Variants in ABHD12B observed in about 807,000 individuals in gnomAD.
ABHD12B encodes the protein protein ABHD12B.
ABHD12B carries 42 observed loss-of-function variants against 50.4 expected under a neutral mutation model. The observed-to-expected ratio is 0.83, with a 90% CI of 0.65 to 1.08. The LOEUF (loss-of-function observed/expected upper bound fraction) is 1.08. Ranked by LOEUF, ABHD12B falls within the 50% of genes least tolerant of loss-of-function variation. The probability of loss-of-function intolerance (pLI) is 0.00; values close to 1 mark genes in which losing one functional copy is unlikely to be tolerated. For synonymous variants in ABHD12B, 167 were observed against 160.3 expected (o/e 1.04, Z -0.32); for missense variants, 479 against 447.7 (o/e 1.07, Z -0.63).
Position 50,904,451 on chromosome 14 carries a change from G to C in ABHD12B, c.*85G>C. 1.3e-6 allele frequency: 2 copies of C among 1,574,684 alleles called. No individual in the cohort carries two copies. Among genetic ancestry groups the C allele is most frequent in the Admixed American group, 1.7e-5 (1 of 59,892 alleles). On this transcript the variant is annotated 3_prime_UTR_variant, in exon 13 of 13. Coordinates refer to ENST00000337334, the MANE Select transcript of ABHD12B (RefSeq NM_001206673.2). ...ATTGTTCTAATGTAAAATTGTACTGGGCTGGTCGGATGAGCTGAGGCCATT... is the reference window on the plus strand; with the variant it reads ...ATTGTTCTAATGTAAAATTGTACTGCGCTGGTCGGATGAGCTGAGGCCATT...
chr14:50,902,679 A>G (rs1466620241), intron 10 of ABHD12B, among the ~76,000 whole-genome samples: 1 of 152,236 alleles, frequency 6.6e-6, no homozygotes. Flanking sequence ...AGTTGTCAAT[A>G]TATTTTTCTA....
At position 50,881,621 on chromosome 14, in the gene ABHD12B, G is replaced by A. The variant is rs754473643; in HGVS notation, c.481G>A (p.Val161Ile). The change falls in exon 5 of 13, where the codon GTA (valine) becomes ATA (isoleucine). Residue 161 changes from valine (V) to isoleucine (I), a missense_variant. Val to Ile is a conservative substitution (Grantham distance 29, BLOSUM62 3). Transcript: ENST00000337334. ...HRAASHRLKLVKVLSDGGFHV... is the reference protein window; with the variant it reads ...HRAASHRLKLIKVLSDGGFHV... ...GGCAGCTTCGCACAGACTGAAGCTG[G>A]TAAAGGTATGTCTGAAGAGGCCTCA... is the stretch of plus-strand genomic sequence containing the variant. 6.2e-7 allele frequency: 1 copy of A among 1,608,398 alleles called. No homozygotes were observed. Among genetic ancestry groups the A allele is most frequent in the Middle Eastern group, 1.7e-4 (1 of 6,048 alleles).
intron 1 of ABHD12B, among the ~76,000 whole-genome samples, chr14:50,877,156 G>A (rs898100902): frequency 3.3e-5 from 5 of 152,190 alleles, no homozygotes; most frequent in Admixed American, 6.5e-5. Flanking sequence ...TGTGCCTCAT[G>A]GGTCCATCTC....
intron 5 of ABHD12B, 42 bp from the exon 6 acceptor site, chr14:50,885,572 T>A: frequency 3.7e-6 from 6 of 1,613,214 alleles, no homozygotes; most frequent in Non-Finnish European, 5.1e-6. Flanking sequence ...TTTTCTGTTT[T>A]CATCTTCTAA....
intron 1 of ABHD12B, among the ~76,000 whole-genome samples, chr14:50,873,926 C>T (rs894155526): frequency 6.6e-6 from 1 of 152,208 alleles, no homozygotes; most frequent in African/African-American, 2.4e-5. Flanking sequence ...TCAAGAGACA[C>T]TTCCTGAAAG....
chr14:50,874,594 C>T (rs928939463), intron 1 of ABHD12B, among the ~76,000 whole-genome samples: 6 of 148,408 alleles, frequency 4.0e-5, no homozygotes, highest in Non-Finnish European at 7.4e-5. Context: ...AGCGAGACTC[C>T]GTCTCAAAAA....
intron 4 of ABHD12B, among the ~76,000 whole-genome samples, chr14:50,880,902 A>C (rs1244988570): frequency 6.6e-6 from 1 of 152,240 alleles, no homozygotes. Flanking sequence ...GGGAACAGGC[A>C]CGCATTATGG....
At position 50,877,420 on chromosome 14, in the gene ABHD12B, C is replaced by G. The variant is rs184584619; in HGVS notation, c.105-532C>G. Among the ~76,000 whole-genome samples, 376 of 152,284 alleles carry G rather than the reference C, an allele frequency of 2.5e-3. 2 individuals carry two copies. The highest frequency in any genetic ancestry group is 8.4e-3 in the African/African-American group (351 of 41,572). ...TATGGGGCTACAGTAAGGGACCAAA[C>G]CTGGCTGTGGTGCGAACATATCCCT... On this transcript the variant is annotated intron_variant, in intron 1 of 12. Transcript: ENST00000337334.
chr14:50,897,071 GT>G lies in ABHD12B; in HGVS notation c.781-4740del, dbSNP rs546998445. ...CCTAATAATATTATGATTTAGTTTA[GT>G]TTTTTTTTTTTTTTTTTGAGATGGA... On this transcript the variant is annotated intron_variant, in intron 9 of 12. Coordinates refer to ENST00000337334, the MANE Select transcript of ABHD12B (RefSeq NM_001206673.2). 8.9e-3 allele frequency among the ~76,000 whole-genome samples: 1,135 copies of G among 127,958 alleles called. 16 individuals are homozygous for G. The highest frequency in any genetic ancestry group is 0.028 in the African/African-American group (952 of 33,642). 83.9% of individuals were successfully genotyped at this position (127,958 alleles called of 152,430 possible).
Position 50,878,749 on chromosome 14 carries a change from A to C in ABHD12B, c.237A>C (p.Lys79Asn). The part of the protein sequence containing the change: ...IDMLIYFNFF[K>N]APFLVDLKKP... ...ATAATGATTTTTACTTTCCAGTCAAAGCCCCATTTCTTGTGGATTTAAAGA... is the reference window on the plus strand; with the variant it reads ...ATAATGATTTTTACTTTCCAGTCAACGCCCCATTTCTTGTGGATTTAAAGA... Residue 79 changes from lysine (K) to asparagine (N), a missense_variant, in exon 3 of 13, where the codon AAA (lysine) becomes AAC (asparagine). Coordinates refer to ENST00000337334, the MANE Select transcript of ABHD12B (RefSeq NM_001206673.2). 1 of 1,612,976 alleles carries C rather than the reference A, an allele frequency of 6.2e-7. No homozygotes were observed. The highest frequency in any genetic ancestry group is 8.5e-7 in the Non-Finnish European group (1 of 1,178,992).
chr14:50,879,208 C>G (rs1258136699), intron 3 of ABHD12B, among the ~76,000 whole-genome samples: 1 of 152,334 alleles, frequency 6.6e-6, no homozygotes, highest in East Asian at 1.9e-4. Flanking sequence ...GCCTTGCTAA[C>G]TGTCTACTCA....
At chr14:50,877,166 C>A (rs1177719777) in intron 1 of ABHD12B, among the ~76,000 whole-genome samples, 1 of 152,228 alleles carries the variant, frequency 6.6e-6, no homozygotes, top group Non-Finnish European at 1.5e-5. Flanking sequence ...GGGTCCATCT[C>A]TTCCAGGGAT....
chr14:50,875,758 T>A (rs1547763), intron 1 of ABHD12B, among the ~76,000 whole-genome samples: 1 of 152,028 alleles, frequency 6.6e-6, no homozygotes, highest in South Asian at 2.1e-4. Flanking sequence ...CTGGTCACTC[T>A]GTTCTCTTCC....
chr14:50,886,440 CAAAA>C (rs534954967), intron 7 of ABHD12B, among the ~76,000 whole-genome samples: 5 of 62,960 alleles, frequency 7.9e-5, no homozygotes, highest in Admixed American at 1.6e-4. Flanking sequence ...GCTCTGTCTC[CAAAA>C]AAAAAAAAAA....
chr14:50,872,095 G>T lies in ABHD12B; in HGVS notation c.-80G>T. ...GGAGGAGGAGGGCGGGCGCGGTGCC[G>T]CCGGGGCGGGAAGGTCGCGGGCGGC... is the stretch of plus-strand genomic sequence containing the variant. On this transcript the variant is annotated 5_prime_UTR_variant, in exon 1 of 13. Transcript: ENST00000337334. The T allele has an allele frequency of 9.1e-7, 1 of 1,094,532 alleles. No individual in the cohort carries two copies. The highest frequency in any genetic ancestry group is 1.1e-6 in the Non-Finnish European group (1 of 873,228). 67.8% of individuals were successfully genotyped at this position (1,094,532 alleles called of 1,614,324 possible). A position where few individuals can be genotyped will look rare whatever the true frequency, so the allele number is the denominator to read the frequency against.
chr14:50,881,713 T>C, intron 5 of ABHD12B, 87 bp downstream of exon 5: 1 of 1,528,252 alleles, frequency 6.5e-7, no homozygotes, highest in Non-Finnish European at 9.0e-7. Flanking sequence ...GCGTGGTTGT[T>C]TTTTGAGAGG....
At chr14:50,902,847 G>C (rs2050277785) in intron 10 of ABHD12B, among the ~76,000 whole-genome samples, 2 of 152,084 alleles carry the variant, frequency 1.3e-5, no homozygotes, top group South Asian at 4.1e-4. Context: ...TAGCCCTTTT[G>C]AATTAGCAAA....
At chr14:50,900,688 TA>T (rs1327770342) in intron 9 of ABHD12B, among the ~76,000 whole-genome samples, 1 of 151,666 alleles carries the variant, frequency 6.6e-6, no homozygotes, top group Non-Finnish European at 1.5e-5. Context: ...CAGGCTGGGG[TA>T]AAAGTAAAGG....
intron 9 of ABHD12B, among the ~76,000 whole-genome samples, chr14:50,896,263 C>G (rs1439280626): frequency 1.3e-5 from 2 of 152,150 alleles, no homozygotes. Context: ...TACAATTCCC[C>G]CGTTTTACCT....
Sources: allele counts gnomAD v4.1 joint callset (sites outside exome capture counted in the v4.1 genomes callset), GRCh38; gene constraint gnomAD v4.1.1; transcripts MANE v1.5; gene names NCBI Gene and HGNC (gene_info 2026-07-23, HGNC 2026-07-21).